The following BICD1 variants were observed in gnomAD, a reference collection of about 807,000 sequenced individuals.
BICD1 encodes BICD cargo adaptor 1, also known as protein bicaudal D homolog 1.
A neutral mutation model predicts 92.5 loss-of-function variants in BICD1; 35 were observed. The observed-to-expected ratio is 0.38, with a 90% CI of 0.29 to 0.50. The LOEUF (loss-of-function observed/expected upper bound fraction) is 0.50, where lower values mean the gene tolerates loss of function less well. Among genes scored for constraint, BICD1 ranks in the 20% least tolerant of loss-of-function variants. BICD1 has a pLI of 0.93. For synonymous variants in BICD1, 429 were observed against 465.1 expected, an observed-to-expected ratio of 0.92 and a Z score of 1.00; for missense variants, 950 against 1,189.8, an observed-to-expected ratio of 0.80 and a Z score of 2.97.
At chr12:32,128,156 C>T (rs974300954) in intron 1 of BICD1, among the ~76,000 whole-genome samples, 12 of 152,126 alleles carry the variant, frequency 7.9e-5, no homozygotes, top group African/African-American at 2.2e-4. Context: ...TGCCCGCCTC[C>T]GCCTCCCAAA....
At chr12:32,144,055 A>C (rs1943032853) in intron 1 of BICD1, among the ~76,000 whole-genome samples, 2 of 152,160 alleles carry the variant, frequency 1.3e-5, no homozygotes, top group Admixed American at 1.3e-4. Context: ...ATGTGTTGCA[A>C]ATATCTTCAT....
chr12:32,299,201 G>A (rs1237527192), intron 3 of BICD1, among the ~76,000 whole-genome samples: 1 of 152,178 alleles, frequency 6.6e-6, no homozygotes, highest in Non-Finnish European at 1.5e-5. Flanking sequence ...ATTAAACTAT[G>A]AAGTTGCCAT....
At chr12:32,114,679 TA>T (rs1323060897) in intron 1 of BICD1, among the ~76,000 whole-genome samples, 3 of 152,086 alleles carry the variant, frequency 2.0e-5, no homozygotes, top group African/African-American at 7.2e-5. Context: ...TTCAATTTAA[TA>T]AAAAAAATTA....
chr12:32,303,220 G>C (rs1433420481), intron 3 of BICD1, among the ~76,000 whole-genome samples: 1 of 151,612 alleles, frequency 6.6e-6, no homozygotes, highest in Non-Finnish European at 1.5e-5. Context: ...GAGATTACAG[G>C]CCTGAGCCAC....
At chr12:32,330,130 G>C (rs1280181051) in intron 5 of BICD1, among the ~76,000 whole-genome samples, 1 of 152,054 alleles carries the variant, frequency 6.6e-6, no homozygotes, top group Non-Finnish European at 1.5e-5. Context: ...CAGCTTTCAA[G>C]TCCTCATCTC....
At chr12:32,141,987 TAAA>T in intron 1 of BICD1, among the ~76,000 whole-genome samples, 1 of 152,210 alleles carries the variant, frequency 6.6e-6, no homozygotes, top group African/African-American at 2.4e-5. Context: ...CAAAAAGGTA[TAAA>T]TCTTATCAAT....
At chr12:32,156,793 TG>T (rs1943451603) in intron 1 of BICD1, among the ~76,000 whole-genome samples, 1 of 152,238 alleles carries the variant, frequency 6.6e-6, no homozygotes, top group African/African-American at 2.4e-5. Context: ...GAGAACTGCT[TG>T]GAACAATCCT....
At chr12:32,245,856 C>T (rs1946367648) in intron 2 of BICD1, among the ~76,000 whole-genome samples, 1 of 151,060 alleles carries the variant, frequency 6.6e-6, no homozygotes, top group Non-Finnish European at 1.5e-5. Flanking sequence ...ATAGTGAAAC[C>T]CCTTCTCTAC....
Position 32,108,903 on chromosome 12 carries a change from A to G in BICD1, c.213+1359A>G, listed in dbSNP as rs77446683. ...CAGCTGGACTTGTTTATATTTTCCA[A>G]CTTAGATTAGGCTGACATGTTTAAA... On this transcript the variant is annotated intron_variant, in intron 1 of 9. Coordinates refer to ENST00000652176, the MANE Select transcript of BICD1 (RefSeq NM_001714.4). 781 of 464,784 alleles carry G rather than the reference A, an allele frequency of 1.7e-3. 7 individuals are homozygous for G. The highest frequency in any genetic ancestry group is 0.014 in the African/African-American group (712 of 51,320). 28.8% of individuals were successfully genotyped at this position (464,784 alleles called of 1,614,324 possible).
intron 8 of BICD1, among the ~76,000 whole-genome samples, chr12:32,365,561 A>T (rs1732888949): frequency 6.6e-6 from 1 of 152,208 alleles, no homozygotes; most frequent in Non-Finnish European, 1.5e-5. Flanking sequence ...GCTTTAGAAG[A>T]GTTTCATTAT....
chr12:32,260,380 A>C (rs1490768491), intron 2 of BICD1, among the ~76,000 whole-genome samples: 1 of 151,868 alleles, frequency 6.6e-6, no homozygotes, highest in Non-Finnish European at 1.5e-5. Flanking sequence ...TGGGATGTGC[A>C]CTCTCTGGTT....
chr12:32,216,622 G>A (rs1756901136), intron 2 of BICD1, among the ~76,000 whole-genome samples, 163 bp downstream of exon 2: 1 of 152,184 alleles, frequency 6.6e-6, no homozygotes, highest in Non-Finnish European at 1.5e-5. Context: ...TGAAATGATA[G>A]CTAGCTTGTT....
intron 2 of BICD1, among the ~76,000 whole-genome samples, chr12:32,286,051 C>T: frequency 6.6e-6 from 1 of 152,162 alleles, no homozygotes; most frequent in Non-Finnish European, 1.5e-5. Context: ...TTCAGCTTAA[C>T]CAGTGTTGCA....
chr12:32,306,530 A>G (rs1408446269), intron 4 of BICD1, among the ~76,000 whole-genome samples: 3 of 151,894 alleles, frequency 2.0e-5, no homozygotes, highest in Non-Finnish European at 4.4e-5. Context: ...GGCGTGAGCC[A>G]CCGCGCCCAG....
chr12:32,116,492 T>TCTCTC (rs1565524980), intron 1 of BICD1, among the ~76,000 whole-genome samples: 5 of 122,996 alleles, frequency 4.1e-5, no homozygotes, highest in Non-Finnish European at 8.5e-5. Flanking sequence ...CTCTCTCTCT[T>TCTCTC]TCTCTCTCTC....
chr12:32,319,110 C>A (rs1948582134), intron 4 of BICD1, among the ~76,000 whole-genome samples: 3 of 152,088 alleles, frequency 2.0e-5, no homozygotes, highest in Admixed American at 6.5e-5. Flanking sequence ...TTACTTTTTT[C>A]TTTCCAATCT....
intron 1 of BICD1, among the ~76,000 whole-genome samples, chr12:32,146,439 G>A (rs1210435252): frequency 1.3e-5 from 2 of 151,444 alleles, no homozygotes; most frequent in African/African-American, 2.4e-5. Flanking sequence ...GTGCTGGTAG[G>A]CAGGTGGAAA....
At chr12:32,130,393 C>T (rs1045880632) in intron 1 of BICD1, among the ~76,000 whole-genome samples, 10 of 152,126 alleles carry the variant, frequency 6.6e-5, no homozygotes, top group East Asian at 5.8e-4. Flanking sequence ...TTAGTAGAGA[C>T]GGGGTTTCAC....
chr12:32,208,002 G>A (rs1945110943), intron 1 of BICD1, among the ~76,000 whole-genome samples: 1 of 152,210 alleles, frequency 6.6e-6, no homozygotes, highest in East Asian at 1.9e-4. Flanking sequence ...ACTTTCCAAG[G>A]TCAGAAGAGA....
Sources: gnomAD v4.1 joint callset for allele counts (sites outside exome capture counted in the v4.1 genomes callset) on GRCh38, gnomAD v4.1.1 for gene constraint, MANE v1.5 for transcripts, NCBI Gene and HGNC (gene_info 2026-07-23, HGNC 2026-07-21) for gene names.